FBXO46: variants seen among roughly 807,000 people sequenced by gnomAD.
The protein encoded by FBXO46 is F-box protein 46, also known as F-box only protein 46.
FBXO46 carries 13 observed loss-of-function variants against 30.7 expected under a neutral mutation model. The observed-to-expected ratio is 0.42, with a 90% CI of 0.28 to 0.67. FBXO46 has a LOEUF of 0.67. Ranked by LOEUF, FBXO46 falls within the 30% of genes least tolerant of loss-of-function variation. The probability of loss-of-function intolerance (pLI) is 0.21; values close to 1 mark genes in which losing one functional copy is unlikely to be tolerated. For synonymous variants in FBXO46, 467 were observed against 385.8 expected, an observed-to-expected ratio of 1.21 and a Z score of -2.47; for missense variants, 754 against 871.5, an observed-to-expected ratio of 0.87 and a Z score of 1.70.
chr19:45,730,190 G>A (rs184177213), intron 1 of FBXO46, among the ~76,000 whole-genome samples: 7 of 152,122 alleles, frequency 4.6e-5, no homozygotes, highest in Non-Finnish European at 5.9e-5. Context: ...TTCCACCGGG[G>A]AAGTGAGGGT....
chr19:45,725,929 T>A (rs1968233373), intron 1 of FBXO46, among the ~76,000 whole-genome samples: 1 of 152,088 alleles, frequency 6.6e-6, no homozygotes, highest in Admixed American at 6.6e-5. Flanking sequence ...TATAGTGCAA[T>A]GGGGCAATCA....
chr19:45,731,734 G>A (rs1055585344), upstream of FBXO46, among the ~76,000 whole-genome samples: 1 of 152,058 alleles, frequency 6.6e-6, no homozygotes, highest in African/African-American at 2.4e-5. Flanking sequence ...CATCGCTCGA[G>A]CCCAGGAGTT....
At chr19:45,723,129 T>C (rs1324814021) in intron 1 of FBXO46, among the ~76,000 whole-genome samples, 6 of 152,038 alleles carry the variant, frequency 3.9e-5, no homozygotes, top group Admixed American at 2.0e-4. Context: ...TCCCAGCACT[T>C]TGGGGGGCCA....
At chr19:45,726,871 C>A (rs1286415828) in intron 1 of FBXO46, among the ~76,000 whole-genome samples, 1 of 152,128 alleles carries the variant, frequency 6.6e-6, no homozygotes, top group Non-Finnish European at 1.5e-5. Flanking sequence ...GCATAATACA[C>A]CCCAGGCATT....
Position 45,712,907 on chromosome 19 carries a change from C to T in FBXO46, c.589G>A (p.Ala197Thr). The change falls in exon 2 of 2, where the codon GCG (alanine) becomes ACG (threonine). Residue 197 changes from alanine to threonine, a missense_variant. Ala to Thr is a moderately conservative substitution (Grantham distance 58). Coordinates refer to ENST00000317683, the MANE Select transcript of FBXO46 (RefSeq NM_001080469.2). This position sits in a 1 kb window ranked among gnomAD's most constrained non-coding sequence, Gnocchi z 8.8. Reference protein sequence around the residue: ...LQSYPRPTTPAPVVFVSAEQG... With the variant: ...LQSYPRPTTPTPVVFVSAEQG... ...TCGGCGGACACAAAGACTACAGGCG[C>T]TGGGGTGGTCGGTCGTGGGTAGCTC... The T allele has an allele frequency of 1.2e-6, 2 of 1,612,170 alleles. No individual in the cohort carries two copies. Among genetic ancestry groups the T allele is most frequent in the Non-Finnish European group, 1.7e-6 (2 of 1,179,248 alleles).
rs1186884288 is a variant in FBXO46, at chr19:45,712,437, C to T, written c.1059G>A (p.Pro353=). 1 of 1,610,680 alleles carries T rather than the reference C, an allele frequency of 6.2e-7. No individual in the cohort carries two copies. Among genetic ancestry groups the T allele is most frequent in the Non-Finnish European group, 8.5e-7 (1 of 1,179,424 alleles). The part of the protein sequence containing the change: ...RPEDTPPAPP[P]PPARDCGASG... Reference sequence around the variant, plus strand: ...ACGCTCCGCAGTCCCGGGCAGGGGGCGGAGGGGGCGCCGGGGGAGTGTCCT... The same window carrying T: ...ACGCTCCGCAGTCCCGGGCAGGGGGTGGAGGGGGCGCCGGGGGAGTGTCCT... The change falls in exon 2 of 2, where the codon CCG becomes CCA. Residue 353 remains proline, a synonymous_variant. Coordinates refer to ENST00000317683, the MANE Select transcript of FBXO46 (RefSeq NM_001080469.2). The surrounding 1 kb of genome is among the most constrained non-coding windows in gnomAD (Gnocchi z 8.8).
At chr19:45,718,028 T>C (rs1377601570) in intron 1 of FBXO46, among the ~76,000 whole-genome samples, 1 of 152,012 alleles carries the variant, frequency 6.6e-6, no homozygotes, top group African/African-American at 2.4e-5. Context: ...TAAAGCACAG[T>C]CCTATAAACC....
intron 1 of FBXO46, among the ~76,000 whole-genome samples, chr19:45,719,255 T>C (rs1968140394): frequency 6.6e-6 from 1 of 151,730 alleles, no homozygotes; most frequent in East Asian, 1.9e-4. Context: ...TTAAATTAAA[T>C]TAAAAATAAA....
At position 45,713,614 on chromosome 19, in the gene FBXO46, C is replaced by T. The variant is rs954483360; in HGVS notation, c.-78-41G>A. The stretch of plus-strand genomic sequence containing the variant: ...GGAGGTTGGGGAGCTAGGGGGACAG[C>T]CTTTCTTCCCAGGACCACCCCAACC... On this transcript the variant is annotated intron_variant, in intron 1 of 1. Transcript: ENST00000317683. The surrounding 1 kb of genome is among the most constrained non-coding windows in gnomAD (Gnocchi z 4.7). 2.4e-6 allele frequency: 2 copies of T among 824,542 alleles called. No homozygotes were observed. Among genetic ancestry groups the T allele is most frequent in the Non-Finnish European group, 1.9e-6 (1 of 531,692 alleles). The allele number at this position is 824,542 out of a possible 1,614,324, so 51.1% of individuals were successfully genotyped here.
In FBXO46 at chr19:45,713,032, G is replaced by C; in HGVS notation, c.464C>G (p.Ala155Gly). 6.4e-7 allele frequency: 1 copy of C among 1,558,216 alleles called. No individual in the cohort carries two copies. The highest frequency in any genetic ancestry group is 8.7e-7 in the Non-Finnish European group (1 of 1,154,018). ...PDPGGREGPP[A>G]AEEGPASAGE... is the part of the protein sequence containing the mutation. ...GGCTGAGGCGGGGCCCTCCTCAGCA[G>C]CAGGGGGGCCCTCCCGGCCCCCTGG... Residue 155 changes from alanine (A) to glycine (G), a missense_variant, in exon 2 of 2, where the codon GCT becomes GGT. Physicochemically the swap from Ala to Gly is moderately conservative, Grantham distance 60 (BLOSUM62 0). Coordinates refer to ENST00000317683, the MANE Select transcript of FBXO46 (RefSeq NM_001080469.2). The surrounding 1 kb of genome is among the most constrained non-coding windows in gnomAD (Gnocchi z 4.7).
rs34349746 is a variant in FBXO46 at position 45,713,968 on chromosome 19, CAAAAAA to C, written c.-78-401_-78-396del. On this transcript the variant is annotated intron_variant, in intron 1 of 1. Transcript: ENST00000317683. This position sits in a 1 kb window ranked among gnomAD's most constrained non-coding sequence, Gnocchi z 4.7. Reference sequence around the variant, plus strand: ...GGGCGACAAGAGCGAAACTCCGTCTCAAAAAAAAAAAAAAAAAAAAAAAGAACTCTA... The same window carrying C: ...GGGCGACAAGAGCGAAACTCCGTCTCAAAAAAAAAAAAAAAAAGAACTCTA... Among the ~76,000 whole-genome samples, 3 of 73,136 alleles carry C rather than the reference CAAAAAA, an allele frequency of 4.1e-5. No homozygotes were observed. The highest frequency in any genetic ancestry group is 1.4e-4 in the African/African-American group (3 of 21,050). 48.0% of individuals were successfully genotyped at this position (73,136 alleles called of 152,430 possible). A position where few individuals can be genotyped will look rare whatever the true frequency, so the allele number is the denominator to read the frequency against.
chr19:45,732,128 AAAGAAG>A (rs556010465), upstream of FBXO46, among the ~76,000 whole-genome samples: 2 of 151,176 alleles, frequency 1.3e-5, no homozygotes, highest in African/African-American at 2.4e-5. Context: ...AAAAAAAAAA[AAAGAAG>A]AAGAAGAAGA....
rs1312333555 is a variant in FBXO46, at chr19:45,711,793, C to T, written c.1703G>A (p.Arg568Gln). ...YGRSYWMCCR[R>Q]ADRETPGCRL... ...GCAGCCGGGAGTCTCGCGGTCGGCT[C>T]GACGGCAGCACATCCAGTAGGAACG... Residue 568 changes from arginine (R) to glutamine (Q), a missense_variant, in exon 2 of 2, where the codon CGA (arginine) becomes CAA (glutamine). Arg to Gln is a conservative substitution (Grantham distance 43). Around this residue, in one of 5 missense-constraint regions of FBXO46, gnomAD observed 162 missense variants for 258.7 expected, o/e 0.63. Coordinates refer to ENST00000317683, the MANE Select transcript of FBXO46 (RefSeq NM_001080469.2). The T allele has an allele frequency of 1.2e-6, 2 of 1,608,952 alleles. No homozygotes were observed. Among genetic ancestry groups the T allele is most frequent in the Admixed American group, 3.4e-5 (2 of 59,434 alleles).
At chr19:45,729,586 G>A (rs994573364) in intron 1 of FBXO46, among the ~76,000 whole-genome samples, 6 of 152,240 alleles carry the variant, frequency 3.9e-5, no homozygotes, top group African/African-American at 1.4e-4. Flanking sequence ...CACAGATTCT[G>A]AGCCAGGCTG....
Position 45,711,465 on chromosome 19 carries a change from T to C in FBXO46, c.*219A>G. The C allele has an allele frequency of 2.9e-6, 2 of 685,854 alleles. No homozygotes were observed. The highest frequency in any genetic ancestry group is 1.5e-5 in the South Asian group (1 of 65,662). The allele number at this position is 685,854 out of a possible 1,614,324, so 42.5% of individuals were successfully genotyped here. On this transcript the variant is annotated 3_prime_UTR_variant, in exon 2 of 2. Coordinates refer to ENST00000317683, the MANE Select transcript of FBXO46 (RefSeq NM_001080469.2). Reference sequence around the variant, plus strand: ...GATAAAAAAAAAAAAAACACCCTTCTCAGAGGGTCCACGGCCCTGGTTCTG... The same window carrying C: ...GATAAAAAAAAAAAAAACACCCTTCCCAGAGGGTCCACGGCCCTGGTTCTG...
intron 1 of FBXO46, among the ~76,000 whole-genome samples, chr19:45,729,167 G>A (rs905194073): frequency 7.2e-5 from 11 of 151,802 alleles, no homozygotes; most frequent in Non-Finnish European, 2.9e-5. Context: ...AATGGCTCAC[G>A]CCTGTTAATC....
Position 45,712,519 on chromosome 19 carries a change from A to C in FBXO46, c.977T>G (p.Leu326Arg). Residue 326 changes from leucine to arginine, a missense_variant, in exon 2 of 2, where the codon CTG becomes CGG. Physicochemically the swap from Leu to Arg is moderately radical, Grantham distance 102. Transcript: ENST00000317683. The surrounding 1 kb of genome is among the most constrained non-coding windows in gnomAD (Gnocchi z 8.8). ...ACTGGCCTCATCCGCCCTGGCCAGC[A>C]GGAACTCCACGTTGCTGGGGAGGGC... The part of the protein sequence containing the change: ...RDALPSNVEF[L>R]LARADEASEG... 6.2e-7 allele frequency: 1 copy of C among 1,602,860 alleles called. No individual in the cohort carries two copies. Among genetic ancestry groups the C allele is most frequent in the East Asian group, 2.2e-5 (1 of 44,682 alleles).
intron 1 of FBXO46, among the ~76,000 whole-genome samples, chr19:45,719,866 C>A (rs1266277206): frequency 6.6e-6 from 1 of 152,192 alleles, no homozygotes; most frequent in East Asian, 1.9e-4. Context: ...CTCGAGCACT[C>A]TACAAATATG....
intron 1 of FBXO46, chr19:45,717,511 T>C (rs1035180846): frequency 3.3e-5 from 5 of 150,760 alleles, no homozygotes; most frequent in African/African-American, 7.3e-5. Context: ...TAGGGAGGAG[T>C]AGGCGAGAGG....
Sources: allele counts gnomAD v4.1 joint callset (sites outside exome capture counted in the v4.1 genomes callset), GRCh38; gene constraint gnomAD v4.1.1; regional missense constraint gnomAD v4.1.1; non-coding constraint Gnocchi (gnomAD v3.1); transcripts MANE v1.5; gene names NCBI Gene and HGNC (gene_info 2026-07-23, HGNC 2026-07-21).